Variants in CEP170 observed in about 807,000 individuals in gnomAD.
CEP170 encodes the protein centrosomal protein of 170 kDa.
A neutral mutation model predicts 151.9 loss-of-function variants in CEP170; 21 were observed. The ratio of observed to expected loss-of-function variants is 0.14; its 90% CI spans 0.10 to 0.20. CEP170 has a LOEUF of 0.20. Ranked by LOEUF, CEP170 falls within the 10% of genes least tolerant of loss-of-function variation. CEP170 has a pLI of 1.00. For missense variants in CEP170, 964 were observed against 1,892.9 expected (o/e 0.51, Z 9.11); for synonymous variants, 356 against 648.8 (o/e 0.55, Z 6.86).
At chr1:243,137,667 C>T (rs1315594406) in intron 16 of CEP170, among the ~76,000 whole-genome samples, 5 of 151,506 alleles carry the variant, frequency 3.3e-5, no homozygotes, top group African/African-American at 7.3e-5. Context: ...CCCAGCTACT[C>T]GGGAGGCTAA....
chr1:243,214,157 G>A (rs915187065), intron 3 of CEP170, among the ~76,000 whole-genome samples: 5 of 151,998 alleles, frequency 3.3e-5, no homozygotes, highest in Admixed American at 3.3e-4. Flanking sequence ...AAGAGATGAT[G>A]TAGACATAAA....
intron 11 of CEP170, among the ~76,000 whole-genome samples, chr1:243,171,087 GC>G (rs1009353762): frequency 6.6e-6 from 1 of 152,194 alleles, no homozygotes; most frequent in African/African-American, 2.4e-5. Flanking sequence ...CTTTTGCTTG[GC>G]AGGGGTTGAA....
chr1:243,159,765 G>GTGTC (rs2057899676), intron 13 of CEP170, among the ~76,000 whole-genome samples: 1 of 140,206 alleles, frequency 7.1e-6, no homozygotes, highest in African/African-American at 2.6e-5. Flanking sequence ...TTCCGGTTTT[G>GTGTC]TGTGTGTGTG....
At chr1:243,156,529 T>C (rs2057564615) in intron 13 of CEP170, 74 bp from the exon 14 acceptor site, 1 of 1,390,844 alleles carries the variant, frequency 7.2e-7, no homozygotes, top group Non-Finnish European at 9.6e-7. Context: ...AGTCATGACT[T>C]CAAAACACCA....
intron 3 of CEP170, 130 bp from the exon 4 acceptor site, chr1:243,212,094 T>C: frequency 9.4e-7 from 1 of 1,068,792 alleles, no homozygotes; most frequent in Non-Finnish European, 1.3e-6. Flanking sequence ...CTGAGTATCA[T>C]AAGATGTGCC....
chr1:243,201,934 T>C (rs1233750710), intron 4 of CEP170, among the ~76,000 whole-genome samples: 1 of 152,144 alleles, frequency 6.6e-6, no homozygotes, highest in East Asian at 1.9e-4. Flanking sequence ...ATTTTCCTTT[T>C]TGTCACATTC....
intron 7 of CEP170, among the ~76,000 whole-genome samples, chr1:243,198,249 C>T (rs897770375): frequency 6.6e-6 from 1 of 152,066 alleles, no homozygotes; most frequent in African/African-American, 2.4e-5. Flanking sequence ...CCTTATGTGG[C>T]AACTGACACC....
intron 13 of CEP170, among the ~76,000 whole-genome samples, chr1:243,157,649 C>T (rs1199704161): frequency 6.6e-6 from 1 of 152,178 alleles, no homozygotes; most frequent in Non-Finnish European, 1.5e-5. Flanking sequence ...CTAAGCTGCA[C>T]AGAATCCAGA....
chr1:243,186,559 G>C, intron 8 of CEP170, 137 bp from the exon 9 acceptor site: 3 of 892,494 alleles, frequency 3.4e-6, no homozygotes, highest in Non-Finnish European at 4.9e-6. Flanking sequence ...TCAGTAACAG[G>C]CTCGGCAAAC....
intron 4 of CEP170, 128 bp downstream of exon 4, chr1:243,211,758 G>A (rs1346543713): frequency 9.4e-7 from 1 of 1,068,206 alleles, no homozygotes. Flanking sequence ...TTTTAGTATA[G>A]GAATGCACCC....
chr1:243,235,492 G>A (rs1288425845), intron 1 of CEP170, among the ~76,000 whole-genome samples: 1 of 152,094 alleles, frequency 6.6e-6, no homozygotes, highest in Admixed American at 6.5e-5. Context: ...TCATGCTCAT[G>A]TGAACAAACT....
At chr1:243,216,288 G>C (rs1037326406) in intron 3 of CEP170, among the ~76,000 whole-genome samples, 2 of 151,866 alleles carry the variant, frequency 1.3e-5, no homozygotes, top group African/African-American at 2.4e-5. Flanking sequence ...TGCCATGCTG[G>C]TGTGCTGCAC....
rs1256481989 is a variant in CEP170 at position 243,125,346 on chromosome 1, A to G, written c.*1103T>C. Reference sequence around the variant, plus strand: ...GTCGTCGTCTTGCAGGGTCCTTATAAATGTGTAAGACAGACAGCATTTACT... The same window carrying G: ...GTCGTCGTCTTGCAGGGTCCTTATAGATGTGTAAGACAGACAGCATTTACT... On this transcript the variant is annotated 3_prime_UTR_variant, in exon 20 of 20. Transcript: ENST00000366542. The G allele has an allele frequency of 7.2e-5, 11 of 152,646 alleles. No homozygotes were observed. Among genetic ancestry groups the G allele is most frequent in the Admixed American group, 7.2e-4 (11 of 15,286 alleles). 9.5% of individuals were successfully genotyped at this position (152,646 alleles called of 1,614,324 possible). A position where few individuals can be genotyped will look rare whatever the true frequency, so the allele number is the denominator to read the frequency against.
chr1:243,156,296 G>A lies in CEP170; in HGVS notation c.3836C>T (p.Ser1279Phe), dbSNP rs1414852169. The stretch of plus-strand genomic sequence containing the variant: ...CTCTTTAATCCGGTGTTTGAATGAA[G>A]AACTAGTAGGCATTGCTGATCCAGC... ...QSAGSAMPTS[S>F]SFKHRIKEQE... The change falls in exon 14 of 20, where the codon TCT becomes TTT. Residue 1279 changes from serine to phenylalanine, a missense_variant. Physicochemically the swap from Ser to Phe is radical, Grantham distance 155. Coordinates refer to ENST00000366542, the MANE Select transcript of CEP170 (RefSeq NM_014812.3). 1 of 1,591,264 alleles carries A rather than the reference G, an allele frequency of 6.3e-7. No homozygotes were observed.
intron 15 of CEP170, among the ~76,000 whole-genome samples, chr1:243,140,761 T>C (rs1173042451): frequency 6.6e-6 from 1 of 152,164 alleles, no homozygotes; most frequent in Non-Finnish European, 1.5e-5. Context: ...CCTAGTACAA[T>C]ATTCTGAAAT....
Position 243,139,997 on chromosome 1 carries a change from T to G in CEP170, c.4170A>C (p.Gln1390His), listed in dbSNP as rs1302098726. ...TTAAGTGATCGGGAGGCTCTGCTGC[T>G]TGAGGTCTTGGATCACCAGATCGAC... is the stretch of plus-strand genomic sequence containing the variant. ...NNGRSGDPRP[Q>H]AAEPPDHLTI... Residue 1390 changes from glutamine (Q) to histidine (H), a missense_variant, in exon 16 of 20, where the codon CAA becomes CAC. By Grantham distance (24) the Gln-to-His change is conservative (BLOSUM62 0). Coordinates refer to ENST00000366542, the MANE Select transcript of CEP170 (RefSeq NM_014812.3). 6.2e-7 allele frequency: 1 copy of G among 1,613,822 alleles called. No homozygotes were observed. The highest frequency in any genetic ancestry group is 2.2e-5 in the East Asian group (1 of 44,890).
chr1:243,159,763 T>TTGTGTGCGTGTGTGTGTGTGTG (rs2057895716), intron 13 of CEP170, among the ~76,000 whole-genome samples: 1 of 127,076 alleles, frequency 7.9e-6, no homozygotes, highest in Non-Finnish European at 1.7e-5. Flanking sequence ...GTTTCCGGTT[T>TTGTGTGCGTGTGTGTGTGTGTG]TGTGTGTGTG....
chr1:243,202,971 T>C (rs1383902861), intron 4 of CEP170, among the ~76,000 whole-genome samples: 3 of 152,146 alleles, frequency 2.0e-5, no homozygotes, highest in Admixed American at 6.5e-5. Context: ...CTAGACACTC[T>C]TCAGGTCATG....
At chr1:243,235,135 C>T (rs2064139631) in intron 1 of CEP170, among the ~76,000 whole-genome samples, 1 of 152,054 alleles carries the variant, frequency 6.6e-6, no homozygotes, top group South Asian at 2.1e-4. Context: ...AGAAAAAGTT[C>T]CTAATCTCAC....
Sources: gnomAD v4.1 joint callset for allele counts (sites outside exome capture counted in the v4.1 genomes callset) on GRCh38, gnomAD v4.1.1 for gene constraint, MANE v1.5 for transcripts, NCBI Gene and HGNC (gene_info 2026-07-23, HGNC 2026-07-21) for gene names.